Variants in KCNA6 observed in about 807,000 individuals in gnomAD.
KCNA6 encodes the protein potassium voltage-gated channel subfamily A member 6.
Under a neutral mutation model 29.5 loss-of-function variants are expected in KCNA6, and 17 were observed. That is an observed-to-expected ratio of 0.58 (90% confidence interval 0.39 to 0.86). The LOEUF is 0.86. Ranked by LOEUF, KCNA6 falls within the 40% of genes least tolerant of loss-of-function variation. KCNA6 has a pLI of 0.00. For synonymous variants in KCNA6, 296 were observed against 304.7 expected (o/e 0.97, Z 0.30); for missense variants, 450 against 703.4 (o/e 0.64, Z 4.07).
chr12:4,831,988 G>A, the KCNA6 span, among the ~76,000 whole-genome samples: 1 of 152,142 alleles, frequency 6.6e-6, no homozygotes, highest in South Asian at 2.1e-4. Context: ...GATACGCTTA[G>A]CAAATACTCA....
the KCNA6 span, among the ~76,000 whole-genome samples, chr12:4,828,460 T>C: frequency 6.6e-6 from 1 of 152,174 alleles, no homozygotes; most frequent in Non-Finnish European, 1.5e-5. Context: ...TAGATATTTG[T>C]TCACATTTAT....
the KCNA6 span, among the ~76,000 whole-genome samples, chr12:4,825,586 T>C: frequency 6.6e-6 from 1 of 152,252 alleles, no homozygotes; most frequent in Non-Finnish European, 1.5e-5. Context: ...TTTTTTCAGT[T>C]GGACCATTCT....
chr12:4,817,347 T>C (rs745963141), downstream of KCNA6, among the ~76,000 whole-genome samples: 8 of 152,178 alleles, frequency 5.3e-5, no homozygotes, highest in Admixed American at 1.3e-4. Context: ...GAAAGACAGA[T>C]GGGCTTTTAG....
the KCNA6 span, chr12:4,850,875 G>T: frequency 4.6e-6 from 2 of 439,554 alleles, no homozygotes; most frequent in Non-Finnish European, 9.2e-6. This position sits in a 1 kb window ranked among gnomAD's most constrained non-coding sequence, Gnocchi z 5.4. Flanking sequence ...CGCTCTGGAG[G>T]CCTCCCACAA....
downstream of KCNA6, among the ~76,000 whole-genome samples, chr12:4,816,747 C>T (rs1207916299): frequency 3.3e-5 from 5 of 152,148 alleles, no homozygotes; most frequent in African/African-American, 1.2e-4. Context: ...TGCTTAACAG[C>T]CCTATGAAGA....
the KCNA6 span, among the ~76,000 whole-genome samples, chr12:4,830,859 T>G: frequency 6.6e-6 from 1 of 152,184 alleles, no homozygotes; most frequent in Non-Finnish European, 1.5e-5. Flanking sequence ...ATGCTGATTC[T>G]CCCCATGGCC....
the KCNA6 span, chr12:4,850,893 C>A: frequency 2.3e-6 from 1 of 430,800 alleles, no homozygotes; most frequent in Admixed American, 2.7e-5. This position sits in a 1 kb window ranked among gnomAD's most constrained non-coding sequence, Gnocchi z 5.4. Flanking sequence ...CAAGCAGCAA[C>A]CAAGCCAGAA....
chr12:4,847,349 A>G, the KCNA6 span, among the ~76,000 whole-genome samples: 2 of 152,056 alleles, frequency 1.3e-5, no homozygotes, highest in Non-Finnish European at 2.9e-5. Flanking sequence ...CGTTTAAAAA[A>G]CTATTTCTTT....
chr12:4,846,809 C>T, the KCNA6 span, among the ~76,000 whole-genome samples: 9 of 133,192 alleles, frequency 6.8e-5, no homozygotes, highest in Non-Finnish European at 1.2e-4. Context: ...GACGGAGTCT[C>T]GCTCTGTTGC....
downstream of KCNA6, chr12:4,814,302 C>G (rs558106836): frequency 1.8e-5 from 3 of 167,010 alleles, no homozygotes; most frequent in Admixed American, 2.0e-4. The surrounding 1 kb of genome is among the most constrained non-coding windows in gnomAD (Gnocchi z 4.6). Flanking sequence ...CTTGGAGTGG[C>G]GGCCAAGCTG....
downstream of KCNA6, chr12:4,814,316 C>T (rs1209373387): frequency 6.0e-6 from 1 of 167,102 alleles, no homozygotes; most frequent in Non-Finnish European, 1.5e-5. This position sits in a 1 kb window ranked among gnomAD's most constrained non-coding sequence, Gnocchi z 4.6. Flanking sequence ...CAAGCTGGGC[C>T]TTACCAGGTG....
chr12:4,827,206 C>CTCCTTCCTTCCT, the KCNA6 span, among the ~76,000 whole-genome samples: 5,227 of 113,800 alleles, frequency 0.046, 142 homozygotes, highest in African/African-American at 0.057. Context: ...CCTTCCTTCC[C>CTCCTTCCTTCCT]TCCTTCCTTC....
the KCNA6 span, among the ~76,000 whole-genome samples, chr12:4,818,505 A>G: frequency 6.6e-6 from 1 of 152,206 alleles, no homozygotes; most frequent in African/African-American, 2.4e-5. Context: ...ATGTATGTAC[A>G]GTGTTTAAAT....
chr12:4,816,721 C>T (rs1234166923), downstream of KCNA6, among the ~76,000 whole-genome samples: 1 of 152,182 alleles, frequency 6.6e-6, no homozygotes, highest in Non-Finnish European at 1.5e-5. Context: ...TACAGTCCCT[C>T]TACAGTCGTT....
At chr12:4,827,357 G>A in the KCNA6 span, among the ~76,000 whole-genome samples, 2 of 151,286 alleles carry the variant, frequency 1.3e-5, no homozygotes, top group Non-Finnish European at 2.9e-5. Flanking sequence ...CTTTATTTCG[G>A]TGTTGCAAAA....
At chr12:4,848,537 A>T in the KCNA6 span, among the ~76,000 whole-genome samples, 4 of 148,960 alleles carry the variant, frequency 2.7e-5, no homozygotes, top group Non-Finnish European at 6.0e-5. Context: ...ATCCAACTTT[A>T]AAAAAATGTT....
chr12:4,816,672 G>A (rs1446463552), downstream of KCNA6, among the ~76,000 whole-genome samples: 1 of 151,860 alleles, frequency 6.6e-6, no homozygotes, highest in Non-Finnish European at 1.5e-5. Context: ...AATTTTTTTT[G>A]TGGGTACATA....
chr12:4,848,993 G>A, the KCNA6 span, among the ~76,000 whole-genome samples: 1 of 149,766 alleles, frequency 6.7e-6, no homozygotes, highest in Admixed American at 6.7e-5. Context: ...GGTAGCGGGC[G>A]CCTGTAATCC....
At chr12:4,848,592 TG>T in the KCNA6 span, among the ~76,000 whole-genome samples, 1 of 151,882 alleles carries the variant, frequency 6.6e-6, no homozygotes, top group Admixed American at 6.6e-5. Context: ...TGGAGTGCAA[TG>T]GCTCGATCTC....
Sources: gnomAD v4.1 joint callset for allele counts (sites outside exome capture counted in the v4.1 genomes callset) on GRCh38, gnomAD v4.1.1 for gene constraint, Gnocchi (gnomAD v3.1) non-coding constraint, MANE v1.5 for transcripts, NCBI Gene and HGNC (gene_info 2026-07-23, HGNC 2026-07-21) for gene names.